Variants in PTPN14 observed in about 807,000 individuals in gnomAD.
The protein encoded by PTPN14 is protein tyrosine phosphatase non-receptor type 14.
In PTPN14, 53 loss-of-function variants were observed where a neutral mutation model predicts 126.8. The observed-to-expected ratio is 0.42, with a 90% CI of 0.34 to 0.53. The LOEUF (loss-of-function observed/expected upper bound fraction) is 0.53, where lower values mean the gene tolerates loss of function less well. Among genes scored for constraint, PTPN14 ranks in the 20% least tolerant of loss-of-function variants. The pLI is 0.08. For synonymous variants in PTPN14, 630 were observed against 599.3 expected (o/e 1.05, Z -0.75); for missense variants, 1,257 against 1,552.9 (o/e 0.81, Z 3.20).
chr1:214,462,555 A>G (rs1406937094), intron 2 of PTPN14, among the ~76,000 whole-genome samples: 2 of 152,166 alleles, frequency 1.3e-5, no homozygotes, highest in South Asian at 2.1e-4. Context: ...TTTGGTTCAG[A>G]GTGAAGGCTA....
At chr1:214,539,485 G>T (rs900399096) in intron 1 of PTPN14, among the ~76,000 whole-genome samples, 3 of 152,088 alleles carry the variant, frequency 2.0e-5, no homozygotes, top group Non-Finnish European at 4.4e-5. Context: ...GGAAATAGGT[G>T]GTCTTTGCAC....
chr1:214,523,990 T>A (rs543636860), intron 1 of PTPN14, among the ~76,000 whole-genome samples: 13 of 151,700 alleles, frequency 8.6e-5, no homozygotes, highest in African/African-American at 3.1e-4. Flanking sequence ...GCTAGGATTA[T>A]AGGCATGCAC....
intron 8 of PTPN14, 23 bp downstream of exon 8, chr1:214,397,890 G>GAAAAAAT (rs779335954): frequency 6.4e-7 from 1 of 1,555,306 alleles, no homozygotes; most frequent in Non-Finnish European, 8.8e-7. Context: ...AAAGAAAAAA[G>GAAAAAAT]AAAAACAAAC....
intron 1 of PTPN14, among the ~76,000 whole-genome samples, chr1:214,475,812 A>G (rs1170285465): frequency 7.9e-5 from 12 of 152,186 alleles, no homozygotes; most frequent in Admixed American, 7.9e-4. Context: ...AAGAGAGGAA[A>G]TAACTTCCCC....
chr1:214,483,790 T>C (rs1558124006), intron 1 of PTPN14, among the ~76,000 whole-genome samples: 1 of 152,220 alleles, frequency 6.6e-6, no homozygotes, highest in Non-Finnish European at 1.5e-5. Context: ...TGGTTCTCCC[T>C]TAACTCTAAA....
intron 3 of PTPN14, among the ~76,000 whole-genome samples, chr1:214,429,675 A>C (rs17022923): frequency 0.039 from 5,918 of 152,326 alleles, 371 homozygotes; most frequent in African/African-American, 0.13. Context: ...ATGCATGAAC[A>C]ATGAATGAAA....
chr1:214,362,029 T>C (rs1657968072), intron 18 of PTPN14, among the ~76,000 whole-genome samples: 1 of 152,044 alleles, frequency 6.6e-6, no homozygotes, highest in Non-Finnish European at 1.5e-5. Context: ...GTATGCTAAA[T>C]CCAGAAGCTG....
intron 1 of PTPN14, among the ~76,000 whole-genome samples, chr1:214,545,338 CTATGG>C (rs201989644): frequency 8.1e-4 from 123 of 152,130 alleles, no homozygotes; most frequent in East Asian, 2.7e-3. Flanking sequence ...CAGGGTCATC[CTATGG>C]TGCAAAGGTG....
At chr1:214,483,527 T>C in intron 1 of PTPN14, 3 of 635,246 alleles carry the variant, frequency 4.7e-6, no homozygotes, top group Non-Finnish European at 8.4e-6. Flanking sequence ...TTCTTCTTTG[T>C]AAAATATACT....
chr1:214,358,154 G>A (rs923142785), intron 18 of PTPN14, 104 bp from the exon 19 acceptor site: 72 of 1,401,868 alleles, frequency 5.1e-5, no homozygotes, highest in Non-Finnish European at 6.9e-5. Flanking sequence ...CCCATGTCCA[G>A]GTACAAGAGA....
chr1:214,546,530 C>T (rs1655973141), intron 1 of PTPN14, among the ~76,000 whole-genome samples: 1 of 152,098 alleles, frequency 6.6e-6, no homozygotes, highest in South Asian at 2.1e-4. Flanking sequence ...AGTCAGTGGC[C>T]CACATGGTAT....
chr1:214,424,999 G>T (rs760485505), intron 3 of PTPN14, among the ~76,000 whole-genome samples: 2 of 151,842 alleles, frequency 1.3e-5, no homozygotes, highest in Non-Finnish European at 2.9e-5. Context: ...GTTATGCCAC[G>T]TTGGCCAGGC....
chr1:214,430,740 T>G (rs1659779712), intron 3 of PTPN14, among the ~76,000 whole-genome samples: 1 of 152,232 alleles, frequency 6.6e-6, no homozygotes, highest in Non-Finnish European at 1.5e-5. Flanking sequence ...TCATTAGTTC[T>G]GTTTCTCTGG....
At chr1:214,392,638 T>C (rs898653525) in intron 10 of PTPN14, among the ~76,000 whole-genome samples, 2 of 152,170 alleles carry the variant, frequency 1.3e-5, no homozygotes, top group African/African-American at 4.8e-5. Flanking sequence ...CATGCGAGAA[T>C]GTGTCTAGAA....
chr1:214,489,537 T>C (rs1179069360), intron 1 of PTPN14, among the ~76,000 whole-genome samples: 1 of 152,134 alleles, frequency 6.6e-6, no homozygotes, highest in Non-Finnish European at 1.5e-5. Flanking sequence ...GAGTCAACCT[T>C]CCAGGAAAGT....
intron 1 of PTPN14, among the ~76,000 whole-genome samples, chr1:214,475,914 C>T (rs931867043): frequency 3.9e-5 from 6 of 152,168 alleles, no homozygotes; most frequent in South Asian, 2.1e-4. Flanking sequence ...GCTGATATGA[C>T]GCAGAAAGAG....
chr1:214,396,642 G>T (rs181826988), intron 8 of PTPN14, among the ~76,000 whole-genome samples: 7 of 152,254 alleles, frequency 4.6e-5, no homozygotes, highest in African/African-American at 1.7e-4. Context: ...CAAGATAAAT[G>T]AAAAGGTCTG....
In PTPN14 at chr1:214,395,088, C is replaced by G. The variant is rs1658847708; in HGVS notation, c.759-102G>C. ...CTGCTATCAAGTCTCATTTAACAAA[C>G]TATGATTTAACTATTTTTTAAGTGA... On this transcript the variant is annotated intron_variant, in intron 8 of 18. Coordinates refer to ENST00000366956, the MANE Select transcript of PTPN14 (RefSeq NM_005401.5). 1.4e-5 allele frequency: 14 copies of G among 985,688 alleles called. No individual in the cohort carries two copies. In the South Asian group the frequency reaches 1.7e-4, roughly 12 times the overall value. The allele number at this position is 985,688 out of a possible 1,614,324, so 61.1% of individuals were successfully genotyped here.
At chr1:214,465,485 A>G (rs182530618) in intron 1 of PTPN14, among the ~76,000 whole-genome samples, 2 of 152,078 alleles carry the variant, frequency 1.3e-5, no homozygotes, top group African/African-American at 2.4e-5. Context: ...GCCAGGCATG[A>G]TGGCGTGTGC....
Sources: allele counts gnomAD v4.1 joint callset (sites outside exome capture counted in the v4.1 genomes callset), GRCh38; gene constraint gnomAD v4.1.1; transcripts MANE v1.5; gene names NCBI Gene and HGNC (gene_info 2026-07-23, HGNC 2026-07-21).